The following PEG3 variants were observed in gnomAD, a reference collection of about 807,000 sequenced individuals.
The protein encoded by PEG3 is paternally-expressed gene 3 protein.
In PEG3, 23 loss-of-function variants were observed where a neutral mutation model predicts 35.5. The observed-to-expected ratio is 0.65, with a 90% CI of 0.47 to 0.92. The LOEUF (loss-of-function observed/expected upper bound fraction) is 0.92. Among genes scored for constraint, PEG3 ranks in the 40% least tolerant of loss-of-function variants. The probability of loss-of-function intolerance (pLI) is 0.00; values close to 1 mark genes in which losing one functional copy is unlikely to be tolerated. For synonymous variants in PEG3, 707 were observed against 697.0 expected, an observed-to-expected ratio of 1.01 and a Z score of -0.23; for missense variants, 1,960 against 1,985.3, an observed-to-expected ratio of 0.99 and a Z score of 0.24.
chr19:56,816,749 A>G lies in PEG3; in HGVS notation c.1693T>C (p.Cys565Arg). The change falls in exon 10 of 10, where the codon TGC becomes CGC. Residue 565 changes from cysteine (C) to arginine (R), a missense_variant. Around this residue, in one of 5 missense-constraint regions of PEG3, gnomAD observed 798 missense variants for 782.4 expected, o/e 1.02. Coordinates refer to ENST00000326441, the MANE Select transcript of PEG3 (RefSeq NM_006210.3). ...KIYGKDKFYE[C>R]RVCKETFLHS... ...AGGAAGGTTTCCTTACACACCCTGC[A>G]CTCGTAGAATTTGTCTTTGCCATAT... 1.2e-6 allele frequency: 2 copies of G among 1,614,000 alleles called. No homozygotes were observed. The highest frequency in any genetic ancestry group is 1.7e-4 in the Middle Eastern group (1 of 6,060).
rs1388560650 is a variant in PEG3, at chr19:56,812,451, G to GT, written c.*1223dup. On this transcript the variant is annotated 3_prime_UTR_variant, in exon 10 of 10. Transcript: ENST00000326441. ...TTTTTTAATGCAAGTTAGACATGGAGTTAGAGGGTCAGATAAATAACGAAG... is the reference window on the plus strand; with the variant it reads ...TTTTTTAATGCAAGTTAGACATGGAGTTTAGAGGGTCAGATAAATAACGAAG... 1 of 984,234 alleles carries GT rather than the reference G, an allele frequency of 1.0e-6. No individual in the cohort carries two copies. The highest frequency in any genetic ancestry group is 1.2e-6 in the Non-Finnish European group (1 of 828,986). The allele number at this position is 984,234 out of a possible 1,614,324, so 61.0% of individuals were successfully genotyped here.
chr19:56,823,717 C>T (rs764687088), intron 4 of PEG3, 38 bp from the exon 5 acceptor site: 7 of 1,610,644 alleles, frequency 4.3e-6, no homozygotes, highest in Non-Finnish European at 5.9e-6. Context: ...TATCTCTGGC[C>T]CACATTCTCA....
intron 2 of PEG3, among the ~76,000 whole-genome samples, chr19:56,830,222 G>A (rs1404373972): frequency 6.6e-6 from 1 of 152,122 alleles, no homozygotes; most frequent in Non-Finnish European, 1.5e-5. Context: ...TTTGCATATA[G>A]ATGCAAAAAC....
At chr19:56,830,901 T>G (rs888805828) in intron 2 of PEG3, among the ~76,000 whole-genome samples, 2 of 151,880 alleles carry the variant, frequency 1.3e-5, no homozygotes, top group Non-Finnish European at 2.9e-5. Flanking sequence ...CATTCCAGCC[T>G]GGGTGACAGA....
At chr19:56,831,874 A>G (rs1248905079) in intron 2 of PEG3, among the ~76,000 whole-genome samples, 2 of 152,238 alleles carry the variant, frequency 1.3e-5, no homozygotes, top group Non-Finnish European at 2.9e-5. Flanking sequence ...ATTTACGTGT[A>G]CACAGAGAAT....
At chr19:56,823,811 T>C (rs1860566) in intron 4 of PEG3, 132 bp from the exon 5 acceptor site, 862,021 of 1,095,334 alleles carry the variant, frequency 0.79, 339,906 homozygotes, top group Admixed American at 0.85. Flanking sequence ...CATTTCTGAG[T>C]TCAAAACCCT....
chr19:56,839,765 C>G (rs186968568), intron 1 of PEG3, among the ~76,000 whole-genome samples: 1 of 151,954 alleles, frequency 6.6e-6, no homozygotes, highest in Non-Finnish European at 1.5e-5. Flanking sequence ...ACCAATCAAC[C>G]AGAACAGCGC....
Position 56,813,717 on chromosome 19 carries a change from G to A in PEG3, c.4725C>T (p.Asp1575=). 6.2e-7 allele frequency: 1 copy of A among 1,614,082 alleles called. No homozygotes were observed. The highest frequency in any genetic ancestry group is 8.5e-7 in the Non-Finnish European group (1 of 1,179,978). Residue 1575 remains aspartate (D), a synonymous_variant, in exon 10 of 10, where the codon GAC becomes GAT. Coordinates refer to ENST00000326441, the MANE Select transcript of PEG3 (RefSeq NM_006210.3). Reference sequence around the variant, plus strand: ...TCTGGTGTCTGGCGAGGGACAGGCGGTCATTGAAGAGCTGCCCACAGACGT... The same window carrying A: ...TCTGGTGTCTGGCGAGGGACAGGCGATCATTGAAGAGCTGCCCACAGACGT... ...KCDVCGQLFN[D]RLSLARHQNT... is the part of the protein sequence containing the mutation.
chr19:56,816,130 G>C lies in PEG3; in HGVS notation c.2312C>G (p.Ala771Gly), dbSNP rs1457779891. The C allele has an allele frequency of 6.2e-7, 1 of 1,613,458 alleles. No individual in the cohort carries two copies. Among genetic ancestry groups the C allele is most frequent in the South Asian group, 1.1e-5 (1 of 91,034 alleles). Reference protein sequence around the residue: ...KIPTKENVYEAKSYERSVIHS... With the variant: ...KIPTKENVYEGKSYERSVIHS... ...AATAACAGACCTCTCATATGATTTTGCCTCATAGACATTTTCCTTAGTGGG... is the reference window on the plus strand; with the variant it reads ...AATAACAGACCTCTCATATGATTTTCCCTCATAGACATTTTCCTTAGTGGG... The change falls in exon 10 of 10, where the codon GCA (alanine) becomes GGA (glycine). Residue 771 changes from alanine (A) to glycine (G), a missense_variant. This residue lies in a region of PEG3 where 798 missense variants were observed against 782.4 expected (regional missense o/e 1.02). Coordinates refer to ENST00000326441, the MANE Select transcript of PEG3 (RefSeq NM_006210.3).
At chr19:56,836,953 G>A (rs2062185339) in intron 1 of PEG3, among the ~76,000 whole-genome samples, 1 of 138,764 alleles carries the variant, frequency 7.2e-6, no homozygotes, top group African/African-American at 2.8e-5. Context: ...CTGGGTGAGA[G>A]GGCCAGACTC....
Position 56,814,246 on chromosome 19 carries a change from A to G in PEG3, c.4196T>C (p.Val1399Ala). The change falls in exon 10 of 10, where the codon GTG becomes GCG. Residue 1399 changes from valine to alanine, a missense_variant. Transcript: ENST00000326441. The surrounding 1 kb of genome is among the most constrained non-coding windows in gnomAD (Gnocchi z 5.8). Reference sequence around the variant, plus strand: ...CTCCACTTCTGGCTCGGCAGCCTCCACTTCTGGCTCAGCAGCCTCTACGTT... The same window carrying G: ...CTCCACTTCTGGCTCGGCAGCCTCCGCTTCTGGCTCAGCAGCCTCTACGTT... The part of the protein sequence containing the change: ...GLNVEAAEPE[V>A]EAAEPEVEAA... The G allele has an allele frequency of 6.2e-7, 1 of 1,613,326 alleles. No individual in the cohort carries two copies. The highest frequency in any genetic ancestry group is 8.5e-7 in the Non-Finnish European group (1 of 1,179,896).
In PEG3 at chr19:56,813,677, A is replaced by G; in HGVS notation, c.4765T>C (p.Ter1589ArgextTer14). 1 of 1,611,438 alleles carries G rather than the reference A, an allele frequency of 6.2e-7. No individual in the cohort carries two copies. The highest frequency in any genetic ancestry group is 8.5e-7 in the Non-Finnish European group (1 of 1,177,812). Residue 1589 changes from the stop codon to arginine (R), a stop_lost, in exon 10 of 10, where the codon TGA becomes CGA. Coordinates refer to ENST00000326441, the MANE Select transcript of PEG3 (RefSeq NM_006210.3). The stretch of plus-strand genomic sequence containing the variant: ...TTTCTAACCTTTACCCCATGCCCTC[A>G]GCCAGTGTGGGTATTCTGGTGTCTG... ...LARHQNTHTG[*>R]
At position 56,816,184 on chromosome 19, in the gene PEG3, C is replaced by G; in HGVS notation, c.2258G>C (p.Ser753Thr). 6.2e-7 allele frequency: 1 copy of G among 1,614,142 alleles called. No individual in the cohort carries two copies. The highest frequency in any genetic ancestry group is 2.2e-5 in the East Asian group (1 of 44,892). Residue 753 changes from serine to threonine, a missense_variant, in exon 10 of 10, where the codon AGC becomes ACC. By Grantham distance (58) the Ser-to-Thr change is moderately conservative. Coordinates refer to ENST00000326441, the MANE Select transcript of PEG3 (RefSeq NM_006210.3). ...CTTCTGGTTTTCATAGGGGTTAGAGCTAATGGTGAACGCCTTTTCGTCCTC... is the reference window on the plus strand; with the variant it reads ...CTTCTGGTTTTCATAGGGGTTAGAGGTAATGGTGAACGCCTTTTCGTCCTC... ...SDEDEKAFTI[S>T]SNPYENQKIP...
At chr19:56,821,278 C>G (rs2060460690) in intron 7 of PEG3, among the ~76,000 whole-genome samples, 2 of 152,210 alleles carry the variant, frequency 1.3e-5, no homozygotes, top group African/African-American at 4.8e-5. Flanking sequence ...AGCTCCAGAG[C>G]CTTTGTGCTC....
chr19:56,813,406 A>G lies in PEG3; in HGVS notation c.*269T>C. On this transcript the variant is annotated 3_prime_UTR_variant, in exon 10 of 10. Coordinates refer to ENST00000326441, the MANE Select transcript of PEG3 (RefSeq NM_006210.3). ...AAACTCTGTAGTCTGGAATACTCAT[A>G]GGGTTTTCTCAATCTGATTACTTGG... is the stretch of plus-strand genomic sequence containing the variant. The G allele has an allele frequency of 7.9e-7, 1 of 1,261,002 alleles. No individual in the cohort carries two copies. Among genetic ancestry groups the G allele is most frequent in the Non-Finnish European group, 1.0e-6 (1 of 1,000,036 alleles). The allele number at this position is 1,261,002 out of a possible 1,614,324, so 78.1% of individuals were successfully genotyped here.
At chr19:56,837,589 G>T (rs1208424766) in intron 1 of PEG3, among the ~76,000 whole-genome samples, 1 of 152,168 alleles carries the variant, frequency 6.6e-6, no homozygotes, top group African/African-American at 2.4e-5. Context: ...GAAGTAAGGC[G>T]CCACCAGCCA....
rs1362252276 is a variant in PEG3 at position 56,819,110 on chromosome 19, T to C, written c.670-408A>G. ...GGCAGGTGGGGCCTTAAGTGGTAAG[T>C]GAGATTATGACACATATAGAAAGGG... On this transcript the variant is annotated intron_variant, in intron 7 of 9. Coordinates refer to ENST00000326441, the MANE Select transcript of PEG3 (RefSeq NM_006210.3). 2.0e-5 allele frequency among the ~76,000 whole-genome samples: 3 copies of C among 152,056 alleles called. No homozygotes were observed. In the East Asian group the frequency reaches 5.8e-4, roughly 29 times the overall value.
At position 56,817,781 on chromosome 19, in the gene PEG3, C is replaced by A. The variant is rs368583066; in HGVS notation, c.827G>T (p.Arg276Ile). 2 of 1,614,022 alleles carry A rather than the reference C, an allele frequency of 1.2e-6. No individual in the cohort carries two copies. The highest frequency in any genetic ancestry group is 1.7e-6 in the Non-Finnish European group (2 of 1,180,030). ...GCTTGGGTAGGCACTTCTCTTGGAT[C>A]TTGATGAGTGGCCCTGCGTCATGTG... The part of the protein sequence containing the change: ...HSHMTQGHSS[R>I]SKRSAYPSTS... Residue 276 changes from arginine to isoleucine, a missense_variant, in exon 9 of 10, where the codon AGA becomes ATA. Around this residue, in one of 5 missense-constraint regions of PEG3, gnomAD observed 613 missense variants for 577.1 expected, o/e 1.06. Transcript: ENST00000326441.
rs530088703 is a variant in PEG3, at chr19:56,814,363, T to C, written c.4079A>G (p.Glu1360Gly). The C allele has an allele frequency of 6.2e-7, 1 of 1,613,658 alleles. No homozygotes were observed. Among genetic ancestry groups the C allele is most frequent in the East Asian group, 2.2e-5 (1 of 44,874 alleles). The change falls in exon 10 of 10, where the codon GAA becomes GGA. Residue 1360 changes from glutamate to glycine, a missense_variant. By Grantham distance (98) the Glu-to-Gly change is moderately conservative (BLOSUM62 -2). Around this residue, in one of 5 missense-constraint regions of PEG3, gnomAD observed 416 missense variants for 416.7 expected, o/e 1.00. Transcript: ENST00000326441. The surrounding 1 kb of genome is among the most constrained non-coding windows in gnomAD (Gnocchi z 5.8). ...TGCTGCAGCTGCTGCTGCTTCATCT[T>C]CTTCTTCTTCTTCCAGATGAAGCTC... is the stretch of plus-strand genomic sequence containing the variant. ...HKELHLEEEEEDEAAAAAAAA... is the reference protein window; with the variant it reads ...HKELHLEEEEGDEAAAAAAAA...
Sources: allele counts gnomAD v4.1 joint callset (sites outside exome capture counted in the v4.1 genomes callset), GRCh38; gene constraint gnomAD v4.1.1; regional missense constraint gnomAD v4.1.1; non-coding constraint Gnocchi (gnomAD v3.1); transcripts MANE v1.5; gene names NCBI Gene and HGNC (gene_info 2026-07-23, HGNC 2026-07-21).